The following ZFYVE28 variants were observed in gnomAD, a reference collection of about 807,000 sequenced individuals.
ZFYVE28 encodes zinc finger FYVE-type containing 28, also known as lateral signaling target protein 2 homolog.
A neutral mutation model predicts 82.1 loss-of-function variants in ZFYVE28; 40 were observed. That is an observed-to-expected ratio of 0.49 (90% CI 0.38 to 0.63). The LOEUF (loss-of-function observed/expected upper bound fraction) is 0.63. ZFYVE28 is among the 30% of genes least tolerant of loss of function. The pLI is 0.00. For synonymous variants in ZFYVE28, 612 were observed against 546.1 expected, an observed-to-expected ratio of 1.12 and a Z score of -1.68; for missense variants, 1,321 against 1,242.1, an observed-to-expected ratio of 1.06 and a Z score of -0.96.
At position 2,304,686 on chromosome 4, in the gene ZFYVE28, G is replaced by C. The variant is rs149353807; in HGVS notation, c.1654C>G (p.Leu552Val). The C allele has an allele frequency of 3.7e-6, 6 of 1,612,640 alleles. No homozygotes were observed. In the South Asian group the frequency reaches 4.4e-5, roughly 12 times the overall value. The change falls in exon 8 of 13, where the codon CTT becomes GTT. Residue 552 changes from leucine to valine, a missense_variant. By Grantham distance (32) the Leu-to-Val change is conservative (BLOSUM62 1). Coordinates refer to ENST00000290974, the MANE Select transcript of ZFYVE28 (RefSeq NM_020972.3). ...AEGMDGGPHKLSTGATNCLLH... is the reference protein window; with the variant it reads ...AEGMDGGPHKVSTGATNCLLH... ...AGGCAGTTGGTGGCCCCAGTGCTAAGCTTGTGGGGGCCGCCATCCATCCCC... is the reference window on the plus strand; with the variant it reads ...AGGCAGTTGGTGGCCCCAGTGCTAACCTTGTGGGGGCCGCCATCCATCCCC...
chr4:2,282,491 G>T (rs1712097419), intron 8 of ZFYVE28, among the ~76,000 whole-genome samples: 1 of 152,374 alleles, frequency 6.6e-6, no homozygotes, highest in East Asian at 1.9e-4. Flanking sequence ...CCTCTGAGAT[G>T]TTGGGAACAT....
intron 7 of ZFYVE28, among the ~76,000 whole-genome samples, chr4:2,308,336 C>A (rs1325921364): frequency 2.0e-5 from 3 of 151,926 alleles, no homozygotes; most frequent in Admixed American, 2.0e-4. Flanking sequence ...CATATGTTCA[C>A]CTGGAGACAC....
chr4:2,301,745 T>C (rs1279090593), intron 8 of ZFYVE28, among the ~76,000 whole-genome samples: 3 of 152,162 alleles, frequency 2.0e-5, no homozygotes, highest in African/African-American at 7.2e-5. Flanking sequence ...TTCTGATGGT[T>C]TCATGTCAAA....
chr4:2,337,033 GA>G (rs1483298371), intron 5 of ZFYVE28, among the ~76,000 whole-genome samples: 11 of 143,722 alleles, frequency 7.7e-5, no homozygotes, highest in East Asian at 2.2e-4. Flanking sequence ...AGGACATGAG[GA>G]GTGAGTAGGT....
rs149651895 is a variant in ZFYVE28 at position 2,333,624 on chromosome 4, C to T, written c.701+2081G>A. On this transcript the variant is annotated intron_variant, in intron 6 of 12. Coordinates refer to ENST00000290974, the MANE Select transcript of ZFYVE28 (RefSeq NM_020972.3). The stretch of plus-strand genomic sequence containing the variant: ...GCCAGGGCTCACCGGCTCATTGACA[C>T]GGGCATGAGTGGGCGGGTGGCTTGG... Among the ~76,000 whole-genome samples the T allele has an allele frequency of 3.4e-3, 517 of 152,194 alleles. 3 individuals are homozygous for T. Among genetic ancestry groups the T allele is most frequent in the African/African-American group, 0.011 (472 of 41,512 alleles).
intron 1 of ZFYVE28, among the ~76,000 whole-genome samples, chr4:2,375,335 C>T (rs536886598): frequency 6.6e-6 from 1 of 152,282 alleles, no homozygotes; most frequent in East Asian, 1.9e-4. Context: ...TAACAAGGCC[C>T]AAATCACCCA....
At chr4:2,364,074 T>C (rs1726527282) in intron 1 of ZFYVE28, among the ~76,000 whole-genome samples, 1 of 152,210 alleles carries the variant, frequency 6.6e-6, no homozygotes, top group Non-Finnish European at 1.5e-5. Flanking sequence ...GGGCAGGCGC[T>C]GTGCCCTGTG....
At chr4:2,353,299 CCT>C (rs891805008) in intron 2 of ZFYVE28, among the ~76,000 whole-genome samples, 2 of 152,234 alleles carry the variant, frequency 1.3e-5, no homozygotes, top group Non-Finnish European at 2.9e-5. Flanking sequence ...TAGACTCCCC[CCT>C]GTTGGAGGAG....
chr4:2,330,403 AG>A (rs1006537192), intron 6 of ZFYVE28: 2 of 1,031,932 alleles, frequency 1.9e-6, no homozygotes, highest in Non-Finnish European at 2.3e-6. Context: ...GACAGTGCAG[AG>A]GAGAGGACAG....
At chr4:2,337,562 G>A (rs546971080) in intron 4 of ZFYVE28, 66 bp from the exon 5 acceptor site, 78 of 1,305,934 alleles carry the variant, frequency 6.0e-5, no homozygotes, top group Non-Finnish European at 6.9e-5. Flanking sequence ...AAAACAGAGT[G>A]GGGGGCATCT....
intron 6 of ZFYVE28, among the ~76,000 whole-genome samples, chr4:2,326,838 G>T (rs1321018839): frequency 6.6e-6 from 1 of 152,058 alleles, no homozygotes; most frequent in Admixed American, 6.6e-5. Flanking sequence ...ATAGTGTATT[G>T]TTAGTGTATA....
At chr4:2,273,945 T>C (rs935929436) in intron 9 of ZFYVE28, 117 bp downstream of exon 9, 1 of 1,191,114 alleles carries the variant, frequency 8.4e-7, no homozygotes, top group Non-Finnish European at 1.2e-6. Context: ...AGGGGCAGAG[T>C]GGGCTGCTGT....
intron 7 of ZFYVE28, 30 bp from the exon 8 acceptor site, chr4:2,305,566 G>C: frequency 2.5e-6 from 4 of 1,612,206 alleles, no homozygotes; most frequent in Non-Finnish European, 3.4e-6. Context: ...CCAAGGGTGA[G>C]GGTCCCAAAA....
At chr4:2,366,883 G>T (rs1324751163) in intron 1 of ZFYVE28, among the ~76,000 whole-genome samples, 1 of 152,228 alleles carries the variant, frequency 6.6e-6, no homozygotes, top group African/African-American at 2.4e-5. Context: ...GCAAACCCCA[G>T]GTGATAATGC....
chr4:2,273,113 T>G, intron 10 of ZFYVE28, 60 bp downstream of exon 10: 12 of 1,401,112 alleles, frequency 8.6e-6, no homozygotes, highest in Admixed American at 3.7e-5. Flanking sequence ...CACCCCTCCC[T>G]GTGGGCAGGG....
intron 1 of ZFYVE28, among the ~76,000 whole-genome samples, chr4:2,391,365 T>C (rs902539493): frequency 1.3e-5 from 2 of 152,046 alleles, no homozygotes; most frequent in African/African-American, 4.8e-5. Flanking sequence ...CTGGGGCCAT[T>C]GTTCCCATAC....
chr4:2,375,078 A>C (rs1727974966), intron 1 of ZFYVE28, among the ~76,000 whole-genome samples: 1 of 152,232 alleles, frequency 6.6e-6, no homozygotes, highest in African/African-American at 2.4e-5. Flanking sequence ...TCAGACCTCC[A>C]GTACAAAGCT....
At position 2,364,136 on chromosome 4, in the gene ZFYVE28, T is replaced by G. The variant is rs558175863; in HGVS notation, c.40-10063A>C. 3.9e-5 allele frequency among the ~76,000 whole-genome samples: 6 copies of G among 152,298 alleles called. No homozygotes were observed. In the South Asian group the frequency reaches 1.2e-3, roughly 32 times the overall value. ...TCACAGCTCCAGGCTCACTGTGGCC[T>G]TCTGGCCCAGTGGGGCACAGGGTGC... On this transcript the variant is annotated intron_variant, in intron 1 of 12. Transcript: ENST00000290974.
intron 1 of ZFYVE28, among the ~76,000 whole-genome samples, chr4:2,390,662 C>G (rs761293035): frequency 6.6e-6 from 1 of 152,218 alleles, no homozygotes; most frequent in African/African-American, 2.4e-5. Context: ...AAAAAACAAG[C>G]CAAAATATCA....
Sources: allele counts gnomAD v4.1 joint callset (sites outside exome capture counted in the v4.1 genomes callset), GRCh38; gene constraint gnomAD v4.1.1; transcripts MANE v1.5; gene names NCBI Gene and HGNC (gene_info 2026-07-23, HGNC 2026-07-21).